The following DCDC2B variants were observed in gnomAD, a reference collection of about 807,000 sequenced individuals.
DCDC2B encodes doublecortin domain containing 2B, also known as doublecortin domain-containing protein 2B.
Under a neutral mutation model 38.9 loss-of-function variants are expected in DCDC2B, and 41 were observed. The observed-to-expected ratio is 1.05, with a 90% CI of 0.82 to 1.37. DCDC2B has a LOEUF of 1.37. DCDC2B is among the 40% of genes most tolerant of loss of function. The pLI is 0.00. For synonymous variants in DCDC2B, 181 were observed against 171.9 expected (o/e 1.05, Z -0.41); for missense variants, 453 against 427.2 (o/e 1.06, Z -0.53).
In DCDC2B at chr1:32,210,788, C is replaced by T. The variant is rs990178622; in HGVS notation, c.267-484C>T. Among the ~76,000 whole-genome samples the T allele has an allele frequency of 3.3e-5, 5 of 152,010 alleles. No homozygotes were observed. The East Asian group carries it at 7.7e-4, about 24-fold the overall frequency. The stretch of plus-strand genomic sequence containing the variant: ...GCAGTGCACTGGCGCGATCATGGCT[C>T]ACTGCAGCCTCGAACTCCTGAGCTC... On this transcript the variant is annotated intron_variant, in intron 1 of 8. Transcript: ENST00000409358.
chr1:32,211,424 C>T lies in DCDC2B; in HGVS notation c.318+101C>T. On this transcript the variant is annotated intron_variant, in intron 2 of 8. Transcript: ENST00000409358. ...GAAGCCAGGGAAGCAGCAGGATCTG[C>T]CAGTTCCAGGGGGGTACTTTGGAGC... is the stretch of plus-strand genomic sequence containing the variant. 3 of 1,251,012 alleles carry T rather than the reference C, an allele frequency of 2.4e-6. No individual in the cohort carries two copies. The East Asian group carries it at 7.3e-5, about 31-fold the overall frequency. 77.5% of individuals were successfully genotyped at this position (1,251,012 alleles called of 1,614,324 possible).
In DCDC2B at chr1:32,209,376, T is replaced by C; in HGVS notation, c.266+17T>C. 1 of 1,612,210 alleles carries C rather than the reference T, an allele frequency of 6.2e-7. No homozygotes were observed. The highest frequency in any genetic ancestry group is 8.5e-7 in the Non-Finnish European group (1 of 1,178,580). ...CAAGCTCCAGTGAGTGGGCTGGGGC[T>C]GGTCAAACAGCCTAGCAAGGGAGGT... is the stretch of plus-strand genomic sequence containing the variant. On this transcript the variant is annotated intron_variant, in intron 1 of 8. Coordinates refer to ENST00000409358, the MANE Select transcript of DCDC2B (RefSeq NM_001099434.2).
chr1:32,212,420 C>T, intron 4 of DCDC2B, 70 bp from the exon 5 acceptor site: 5 of 1,591,458 alleles, frequency 3.1e-6, no homozygotes, highest in South Asian at 2.3e-5. Flanking sequence ...TGCACCCACC[C>T]CTTCAGTCTG....
chr1:32,209,453 T>G (rs758108692), intron 1 of DCDC2B, 94 bp downstream of exon 1: 101 of 1,523,756 alleles, frequency 6.6e-5, no homozygotes, highest in Non-Finnish European at 8.6e-5. Flanking sequence ...AGCATGTTAC[T>G]GGTACTTACT....
chr1:32,214,910 C>A lies in DCDC2B; in HGVS notation c.828C>A (p.Leu276=), dbSNP rs1390128659. Residue 276 remains leucine (L), a synonymous_variant, in exon 7 of 9, where the codon CTC becomes CTA. Transcript: ENST00000409358. ...AGACCATTCAGCCAAGAAGCAAGCT[C>A]CCCACACTCTCATTCCCATCAGGTG... The part of the protein sequence containing the change: ...PQQTIQPRSK[L]PTLSFPSGVI... 6.2e-7 allele frequency: 1 copy of A among 1,614,004 alleles called. No individual in the cohort carries two copies. Among genetic ancestry groups the A allele is most frequent in the East Asian group, 2.2e-5 (1 of 44,884 alleles).
intron 2 of DCDC2B, 79 bp from the exon 3 acceptor site, chr1:32,211,680 CCT>C (rs1166545737): frequency 1.2e-5 from 17 of 1,454,534 alleles, no homozygotes; most frequent in Non-Finnish European, 1.4e-5. Context: ...GTTCCGGCCC[CCT>C]CACTCCACAC....
Position 32,212,147 on chromosome 1 carries a change from C to CT in DCDC2B, c.474dup (p.Val159CysfsTer7). The stretch of plus-strand genomic sequence containing the variant: ...CAGGCTGCCAGCCAGGACTGGGAAA[C>CT]TGTGTTGAAGCTCCTGACTGAGAAG... On this transcript the variant is annotated frameshift_variant, in exon 4 of 9. Coordinates refer to ENST00000409358, the MANE Select transcript of DCDC2B (RefSeq NM_001099434.2). LOFTEE classifies it high-confidence loss of function. 6.2e-7 allele frequency: 1 copy of CT among 1,613,824 alleles called. No homozygotes were observed. The highest frequency in any genetic ancestry group is 8.5e-7 in the Non-Finnish European group (1 of 1,179,830).
At position 32,211,304 on chromosome 1, in the gene DCDC2B, G is replaced by C; in HGVS notation, c.299G>C (p.Gly100Ala). The change falls in exon 2 of 9, where the codon GGG (glycine) becomes GCG (alanine). Residue 100 changes from glycine to alanine, a missense_variant. By Grantham distance (60) the Gly-to-Ala change is moderately conservative. Transcript: ENST00000409358. ...CCCCATAGAGGGAAGGACCCAGGTG[G>C]GAAGAGCTGCAGACTACAAGTGAGT... ...YLPHRGKDPG[G>A]KSCRLQGPPV... 1 of 1,613,910 alleles carries C rather than the reference G, an allele frequency of 6.2e-7. No homozygotes were observed. The highest frequency in any genetic ancestry group is 8.5e-7 in the Non-Finnish European group (1 of 1,179,870).
Position 32,211,751 on chromosome 1 carries a change from T to C in DCDC2B, c.319-10T>C, listed in dbSNP as rs1449764322. The C allele has an allele frequency of 3.7e-6, 6 of 1,601,584 alleles. No individual in the cohort carries two copies. The highest frequency in any genetic ancestry group is 1.1e-5 in the South Asian group (1 of 88,508). On this transcript the variant is annotated splice_polypyrimidine_tract_variant and intron_variant, in intron 2 of 8. Transcript: ENST00000409358. ...ACTCTCCTGATTTGGAGGCCTGACATGGGTTTCAGGGTCCTCCCGTGACTC... is the reference window on the plus strand; with the variant it reads ...ACTCTCCTGATTTGGAGGCCTGACACGGGTTTCAGGGTCCTCCCGTGACTC...
In DCDC2B at chr1:32,216,143, GCTGA is replaced by G; in HGVS notation, c.*249_*252del. 1.4e-6 allele frequency: 1 copy of G among 692,252 alleles called. No homozygotes were observed. Among genetic ancestry groups the G allele is most frequent in the South Asian group, 1.9e-5 (1 of 51,770 alleles). The allele number at this position is 692,252 out of a possible 1,614,324, so 42.9% of individuals were successfully genotyped here. On this transcript the variant is annotated 3_prime_UTR_variant, in exon 9 of 9. Coordinates refer to ENST00000409358, the MANE Select transcript of DCDC2B (RefSeq NM_001099434.2). ...GATTCTCTGGCCAGAGAAAGGAGTAGCTGACTAAGCCTGGGAGAGGGTTTGTCAC... is the reference window on the plus strand; with the variant it reads ...GATTCTCTGGCCAGAGAAAGGAGTAGCTAAGCCTGGGAGAGGGTTTGTCAC...
chr1:32,215,490 G>C lies in DCDC2B; in HGVS notation c.901G>C (p.Ala301Pro), dbSNP rs373546059. The change falls in exon 8 of 9, where the codon GCC becomes CCC. Residue 301 changes from alanine (A) to proline (P), a missense_variant. Ala to Pro is a conservative substitution (Grantham distance 27). Coordinates refer to ENST00000409358, the MANE Select transcript of DCDC2B (RefSeq NM_001099434.2). ...CCACCGAAGGAAGGAGACAGCGGGG[G>C]CCCTGGAAGTAGCAGATGATGAAGA... Reference protein sequence around the residue: ...APHRRKETAGALEVADDEDTQ... With the variant: ...APHRRKETAGPLEVADDEDTQ... The C allele has an allele frequency of 1.9e-6, 3 of 1,613,636 alleles. No individual in the cohort carries two copies. The highest frequency in any genetic ancestry group is 2.5e-6 in the Non-Finnish European group (3 of 1,179,832).
At position 32,211,313 on chromosome 1, in the gene DCDC2B, G is replaced by A; in HGVS notation, c.308G>A (p.Cys103Tyr). The change falls in exon 2 of 9, where the codon TGC (cysteine) becomes TAC (tyrosine). Residue 103 changes from cysteine to tyrosine, a missense_variant. By Grantham distance (194) the Cys-to-Tyr change is radical (BLOSUM62 -2). Coordinates refer to ENST00000409358, the MANE Select transcript of DCDC2B (RefSeq NM_001099434.2). ...HRGKDPGGKS[C>Y]RLQGPPVTRH... is the part of the protein sequence containing the mutation. ...GGGAAGGACCCAGGTGGGAAGAGCT[G>A]CAGACTACAAGTGAGTCCCGGGGAA... is the stretch of plus-strand genomic sequence containing the variant. 1 of 1,613,846 alleles carries A rather than the reference G, an allele frequency of 6.2e-7. No individual in the cohort carries two copies. Among genetic ancestry groups the A allele is most frequent in the Non-Finnish European group, 8.5e-7 (1 of 1,179,840 alleles).
chr1:32,214,568 C>A, intron 6 of DCDC2B: 2 of 553,580 alleles, frequency 3.6e-6, no homozygotes, highest in East Asian at 3.2e-5. Context: ...GAAGCACAGT[C>A]TGGTTTCACT....
rs780798619 is a variant in DCDC2B, at chr1:32,209,110, C to A, written c.17C>A (p.Pro6Gln). The change falls in exon 1 of 9, where the codon CCA becomes CAA. Residue 6 changes from proline (P) to glutamine (Q), a missense_variant. Physicochemically the swap from Pro to Gln is moderately conservative, Grantham distance 76 (BLOSUM62 -1). Transcript: ENST00000409358. MAGGS[P>Q]AAKRVVVYRN... ...GGATACACTATGGCAGGTGGCAGTC[C>A]AGCAGCCAAGAGGGTAGTGGTGTAC... 6.2e-6 allele frequency: 10 copies of A among 1,613,724 alleles called. No homozygotes were observed. Among genetic ancestry groups the A allele is most frequent in the Non-Finnish European group, 8.5e-6 (10 of 1,179,774 alleles).
At chr1:32,215,600 A>G (rs1638317919) in intron 8 of DCDC2B, 57 bp downstream of exon 8, 2 of 1,531,138 alleles carry the variant, frequency 1.3e-6, no homozygotes, top group African/African-American at 1.4e-5. Context: ...TGAGCTGGAA[A>G]CTGGCAGCCT....
At chr1:32,211,482 A>C (rs931956408) in intron 2 of DCDC2B, among the ~76,000 whole-genome samples, 159 bp downstream of exon 2, 5 of 152,206 alleles carry the variant, frequency 3.3e-5, no homozygotes, top group African/African-American at 1.2e-4. Flanking sequence ...GTGGGATTTC[A>C]AGACACTATT....
At chr1:32,212,406 T>A in intron 4 of DCDC2B, 84 bp from the exon 5 acceptor site, 1 of 1,574,836 alleles carries the variant, frequency 6.3e-7, no homozygotes, top group Non-Finnish European at 8.7e-7. Context: ...CACCTTGGAA[T>A]AGCTGCACCC....
At chr1:32,212,232 TC>T (rs766032096) in intron 4 of DCDC2B, 31 bp downstream of exon 4, 104 of 1,602,334 alleles carry the variant, frequency 6.5e-5, no homozygotes, top group Non-Finnish European at 8.3e-5. Context: ...GGCCCAAAAG[TC>T]CCCAAAGAGA....
chr1:32,213,516 T>A (rs1643672468), intron 6 of DCDC2B, among the ~76,000 whole-genome samples: 1 of 146,618 alleles, frequency 6.8e-6, no homozygotes, highest in African/African-American at 2.5e-5. Context: ...TTTTTTTTTT[T>A]TTTTTTTTTT....
Sources: allele counts gnomAD v4.1 joint callset (sites outside exome capture counted in the v4.1 genomes callset), GRCh38; gene constraint gnomAD v4.1.1; transcripts MANE v1.5; gene names NCBI Gene and HGNC (gene_info 2026-07-23, HGNC 2026-07-21).